Variants in CRTAP observed in about 807,000 individuals in gnomAD.
CRTAP encodes cartilage-associated protein.
Under a neutral mutation model 42.7 loss-of-function variants are expected in CRTAP, and 33 were observed. The ratio of observed to expected loss-of-function variants is 0.77; its 90% CI spans 0.59 to 1.03. CRTAP has a LOEUF of 1.03. Among genes scored for constraint, CRTAP ranks in the 50% least tolerant of loss-of-function variants. The probability of loss-of-function intolerance (pLI) is 0.00; values close to 1 mark genes in which losing one functional copy is unlikely to be tolerated. For missense variants in CRTAP, 613 were observed against 533.9 expected, an observed-to-expected ratio of 1.15 and a Z score of -1.46; for synonymous variants, 243 against 217.7, an observed-to-expected ratio of 1.12 and a Z score of -1.02.
intron 2 of CRTAP, among the ~76,000 whole-genome samples, chr3:33,121,058 C>G (rs1256067987): frequency 6.6e-6 from 1 of 152,074 alleles, no homozygotes; most frequent in Non-Finnish European, 1.5e-5. Flanking sequence ...TTGTCAAGGT[C>G]TTCTGGAACT....
chr3:33,135,887 C>CA (rs1292126905), intron 6 of CRTAP, among the ~76,000 whole-genome samples: 1 of 152,042 alleles, frequency 6.6e-6, no homozygotes, highest in East Asian at 1.9e-4. Context: ...ATATTATTCA[C>CA]AAAAAATGAA....
intron 3 of CRTAP, among the ~76,000 whole-genome samples, chr3:33,125,448 T>A (rs1437349187): frequency 6.6e-6 from 1 of 151,782 alleles, no homozygotes; most frequent in East Asian, 1.9e-4. Flanking sequence ...TTGTTTTTTT[T>A]TTTCAGTCAC....
intron 3 of CRTAP, among the ~76,000 whole-genome samples, chr3:33,129,692 G>A (rs568426958): frequency 9.9e-5 from 15 of 151,472 alleles, no homozygotes; most frequent in African/African-American, 1.9e-4. Context: ...CGCCCACCAC[G>A]ACGCCCAGCT....
At chr3:33,133,793 G>T (rs1020076613) in intron 5 of CRTAP, among the ~76,000 whole-genome samples, 1 of 152,064 alleles carries the variant, frequency 6.6e-6, no homozygotes, top group Non-Finnish European at 1.5e-5. Context: ...TAATTCCCTT[G>T]ATAGGCAAAC....
chr3:33,116,309 G>C (rs1386900472), intron 1 of CRTAP, among the ~76,000 whole-genome samples: 1 of 152,184 alleles, frequency 6.6e-6, no homozygotes, highest in Non-Finnish European at 1.5e-5. Flanking sequence ...TACAGGTCTT[G>C]TAACAATCAC....
chr3:33,122,219 T>C (rs2029898979), intron 2 of CRTAP, among the ~76,000 whole-genome samples: 1 of 152,016 alleles, frequency 6.6e-6, no homozygotes, highest in Non-Finnish European at 1.5e-5. Flanking sequence ...CCTTTTGGGG[T>C]GGCTGTGCTG....
chr3:33,131,701 CAT>C (rs561356768), intron 4 of CRTAP, among the ~76,000 whole-genome samples: 1,732 of 152,226 alleles, frequency 0.011, 45 homozygotes, highest in African/African-American at 0.039. Flanking sequence ...TACCATGCTA[CAT>C]TGCTTGAGGG....
intron 1 of CRTAP, among the ~76,000 whole-genome samples, chr3:33,118,371 G>A (rs1701371399): frequency 6.6e-6 from 1 of 152,180 alleles, no homozygotes; most frequent in Non-Finnish European, 1.5e-5. Flanking sequence ...CTGAAGACTA[G>A]CCTTTTTCTG....
At chr3:33,117,964 C>T (rs1280396188) in intron 1 of CRTAP, among the ~76,000 whole-genome samples, 2 of 147,406 alleles carry the variant, frequency 1.4e-5, no homozygotes, top group African/African-American at 2.5e-5. Flanking sequence ...TTCTTTCTTT[C>T]TTTCTTTCTT....
At chr3:33,129,692 G>C (rs568426958) in intron 3 of CRTAP, among the ~76,000 whole-genome samples, 10 of 151,590 alleles carry the variant, frequency 6.6e-5, no homozygotes, top group East Asian at 1.9e-4. Context: ...CGCCCACCAC[G>C]ACGCCCAGCT....
At chr3:33,114,677 C>A in intron 1 of CRTAP, 129 bp downstream of exon 1, 1 of 826,942 alleles carries the variant, frequency 1.2e-6, no homozygotes, top group Admixed American at 2.4e-5. Flanking sequence ...CCCATCCAGC[C>A]CTGCCAAAGG....
intron 6 of CRTAP, among the ~76,000 whole-genome samples, chr3:33,141,157 C>T (rs2030560011): frequency 6.6e-6 from 1 of 152,162 alleles, no homozygotes; most frequent in African/African-American, 2.4e-5. Context: ...CTACAACAGC[C>T]ATGCAGGGGA....
intron 6 of CRTAP, among the ~76,000 whole-genome samples, chr3:33,137,438 G>T (rs369845592): frequency 2.6e-5 from 4 of 152,204 alleles, no homozygotes; most frequent in Non-Finnish European, 5.9e-5. Flanking sequence ...ACTGCACCCA[G>T]CTTGACTTGC....
In CRTAP at chr3:33,142,451, C is replaced by T. The variant is rs1270098618; in HGVS notation, c.*3C>T. ...TGGAACTGGAGGAGACCAGCTAGCC[C>T]ACAGCAACCAAAGAGACTTCCTCTT... is the stretch of plus-strand genomic sequence containing the variant. On this transcript the variant is annotated 3_prime_UTR_variant, in exon 7 of 7. Transcript: ENST00000320954. 3 of 1,613,900 alleles carry T rather than the reference C, an allele frequency of 1.9e-6. No homozygotes were observed. The highest frequency in any genetic ancestry group is 1.1e-5 in the South Asian group (1 of 91,082).
Position 33,114,550 on chromosome 3 carries a change from C to A in CRTAP, c.471+2C>A, listed in dbSNP as rs137853943. On this transcript the variant is annotated splice_donor_variant, in intron 1 of 6. Transcript: ENST00000320954. LOFTEE classifies it high-confidence loss of function. Reference sequence around the variant, plus strand: ...TTCCTGCAGTTCGCTTACTTCAAGGCAAGTCCGCCTCGCCCCGTCCCAGGC... The same window carrying A: ...TTCCTGCAGTTCGCTTACTTCAAGGAAAGTCCGCCTCGCCCCGTCCCAGGC... The A allele has an allele frequency of 1.7e-4, 262 of 1,580,606 alleles. No homozygotes were observed. Among genetic ancestry groups the A allele is most frequent in the Admixed American group, 2.3e-4 (13 of 56,014 alleles).
intron 6 of CRTAP, among the ~76,000 whole-genome samples, chr3:33,137,485 T>C (rs1043145179): frequency 7.2e-5 from 11 of 152,228 alleles, no homozygotes; most frequent in African/African-American, 1.4e-4. Flanking sequence ...CCCTTCATGA[T>C]TGGCCATTTG....
chr3:33,126,751 G>A (rs2030084327), intron 3 of CRTAP, among the ~76,000 whole-genome samples: 1 of 152,186 alleles, frequency 6.6e-6, no homozygotes, highest in African/African-American at 2.4e-5. Context: ...TCAGGGCACA[G>A]TTTGGTTTTA....
chr3:33,144,860 G>A lies in CRTAP; in HGVS notation c.*2412G>A, dbSNP rs969665597. ...TAAGGTCAGAGAAAACCAAGAGAGT[G>A]TGGTGTTCTGGAAGCTGAGCTTTCT... On this transcript the variant is annotated 3_prime_UTR_variant, in exon 7 of 7. Coordinates refer to ENST00000320954, the MANE Select transcript of CRTAP (RefSeq NM_006371.5). The A allele has an allele frequency of 2.6e-5, 4 of 152,236 alleles. No individual in the cohort carries two copies. The highest frequency in any genetic ancestry group is 4.4e-5 in the Non-Finnish European group (3 of 68,052). The allele number at this position is 152,236 out of a possible 1,614,324, so 9.4% of individuals were successfully genotyped here.
intron 4 of CRTAP, among the ~76,000 whole-genome samples, chr3:33,131,143 A>T (rs1260653276): frequency 6.6e-6 from 1 of 151,988 alleles, no homozygotes; most frequent in Non-Finnish European, 1.5e-5. Flanking sequence ...GCTAGAATAG[A>T]TCCCCTGGGT....
Sources: allele counts gnomAD v4.1 joint callset (sites outside exome capture counted in the v4.1 genomes callset), GRCh38; gene constraint gnomAD v4.1.1; transcripts MANE v1.5; gene names NCBI Gene and HGNC (gene_info 2026-07-23, HGNC 2026-07-21).